The following ZC3H12B variants were observed in gnomAD, a reference collection of about 807,000 sequenced individuals.
ZC3H12B encodes the protein zinc finger CCCH-type containing 12B.
ZC3H12B carries 7 observed loss-of-function variants against 43.9 expected under a neutral mutation model. The observed-to-expected ratio is 0.16, with a 90% CI of 0.09 to 0.30. The LOEUF (loss-of-function observed/expected upper bound fraction) is 0.30, where lower values mean the gene tolerates loss of function less well. ZC3H12B is among the 10% of genes least tolerant of loss of function. The pLI, the probability that ZC3H12B is intolerant of heterozygous loss-of-function variation, is 1.00. For missense variants in ZC3H12B, 475 were observed against 670.2 expected (o/e 0.71, Z 3.22); for synonymous variants, 222 against 241.7 (o/e 0.92, Z 0.76).
chrX:65,059,682 T>C, the ZC3H12B span, among the ~76,000 whole-genome samples: 12 of 111,921 alleles, frequency 1.1e-4, no homozygotes, highest in Admixed American at 4.7e-4. Context: ...TTCTGATTTT[T>C]ACATAAAATA....
the ZC3H12B span, among the ~76,000 whole-genome samples, chrX:65,279,060 T>C: frequency 9.0e-6 from 1 of 111,221 alleles, no homozygotes; most frequent in Non-Finnish European, 1.9e-5. Context: ...GGCATTTAGA[T>C]TGATTCCATT....
chrX:65,261,127 T>G, the ZC3H12B span, among the ~76,000 whole-genome samples: 1 of 111,768 alleles, frequency 8.9e-6, no homozygotes, highest in Non-Finnish European at 1.9e-5. Context: ...ACCATAGAGA[T>G]TAACATAGTT....
At chrX:65,308,455 G>A in the ZC3H12B span, among the ~76,000 whole-genome samples, 1 of 111,587 alleles carries the variant, frequency 9.0e-6, no homozygotes, top group African/African-American at 3.3e-5. Context: ...AAGTATATAT[G>A]CAACCAATTC....
the ZC3H12B span, among the ~76,000 whole-genome samples, chrX:65,300,946 T>A: frequency 9.4e-6 from 1 of 106,932 alleles, no homozygotes; most frequent in African/African-American, 3.4e-5. Context: ...GACAAAGGAC[T>A]AATATCCAGA....
intron 3 of ZC3H12B, among the ~76,000 whole-genome samples, chrX:65,416,544 G>A (rs1303740231): frequency 1.8e-5 from 2 of 110,104 alleles, no homozygotes; most frequent in Non-Finnish European, 3.8e-5. Flanking sequence ...CACTTTGGGA[G>A]GCTGAGGTGG....
the ZC3H12B span, among the ~76,000 whole-genome samples, chrX:65,212,538 G>T: frequency 2.9e-5 from 2 of 68,789 alleles, no homozygotes; most frequent in African/African-American, 6.0e-5. Context: ...TACATATAAT[G>T]TATATTTATA....
chrX:65,120,840 C>G, the ZC3H12B span, among the ~76,000 whole-genome samples: 4 of 111,131 alleles, frequency 3.6e-5, no homozygotes, highest in African/African-American at 6.5e-5. Context: ...CCAAATTTAT[C>G]GAGAGTTTTT....
intron 1 of ZC3H12B, among the ~76,000 whole-genome samples, chrX:65,494,278 G>T (rs2068246467): frequency 9.1e-6 from 1 of 110,037 alleles, no homozygotes; most frequent in African/African-American, 3.3e-5. Context: ...ACAGGGCCTT[G>T]TTCTGTCACC....
the ZC3H12B span, among the ~76,000 whole-genome samples, chrX:65,330,029 C>T: frequency 7.2e-5 from 8 of 111,657 alleles, no homozygotes; most frequent in Non-Finnish European, 1.5e-4. Context: ...CTTGGCAATG[C>T]GGGCTCTTTT....
the ZC3H12B span, among the ~76,000 whole-genome samples, chrX:65,192,370 T>G: frequency 9.0e-6 from 1 of 111,620 alleles, no homozygotes; most frequent in Non-Finnish European, 1.9e-5. Context: ...TTGCTCTAAT[T>G]GGGACATTCA....
the ZC3H12B span, among the ~76,000 whole-genome samples, chrX:65,098,844 TC>T: frequency 9.0e-6 from 1 of 110,792 alleles, no homozygotes; most frequent in South Asian, 3.9e-4. Flanking sequence ...GTTTTTTTTT[TC>T]CTACCCCAGT....
chrX:65,456,867 G>C (rs752419189), intron 3 of ZC3H12B, among the ~76,000 whole-genome samples: 5 of 108,303 alleles, frequency 4.6e-5, no homozygotes, highest in African/African-American at 6.9e-5. Context: ...CCGCCACCCC[G>C]TCTGGGAAGT....
At chrX:65,445,858 C>T (rs1020789107) in intron 3 of ZC3H12B, among the ~76,000 whole-genome samples, 1 of 111,890 alleles carries the variant, frequency 8.9e-6, no homozygotes, top group Admixed American at 9.5e-5. Context: ...AAGCTCATAC[C>T]CAAGTTGCAA....
At chrX:65,156,150 T>C in the ZC3H12B span, among the ~76,000 whole-genome samples, 5 of 111,171 alleles carry the variant, frequency 4.5e-5, no homozygotes, top group African/African-American at 9.8e-5. Flanking sequence ...TGTAGGCATG[T>C]ACCTTTTCTT....
chrX:65,143,467 A>G, the ZC3H12B span, among the ~76,000 whole-genome samples: 1 of 109,935 alleles, frequency 9.1e-6, no homozygotes, highest in African/African-American at 3.3e-5. Flanking sequence ...ATTTTTTTTA[A>G]TATTGTTTAT....
At chrX:65,477,776 T>A (rs933240585) in intron 3 of ZC3H12B, among the ~76,000 whole-genome samples, 11 of 108,276 alleles carry the variant, frequency 1.0e-4, no homozygotes, top group Non-Finnish European at 1.7e-4. Flanking sequence ...AAAAAAAAAA[T>A]TTCAATAAAC....
chrX:65,154,093 G>T, the ZC3H12B span, among the ~76,000 whole-genome samples: 1 of 111,001 alleles, frequency 9.0e-6, no homozygotes, highest in Admixed American at 9.6e-5. Context: ...GGTGGGAGGA[G>T]GGGGCAGGGA....
intron 3 of ZC3H12B, among the ~76,000 whole-genome samples, chrX:65,449,688 A>C (rs1244692826): frequency 9.0e-6 from 1 of 111,566 alleles, no homozygotes; most frequent in East Asian, 2.8e-4. Flanking sequence ...GAGAATGAAA[A>C]AATGTCTTTT....
At chrX:65,192,378 T>A in the ZC3H12B span, among the ~76,000 whole-genome samples, 1 of 111,555 alleles carries the variant, frequency 9.0e-6, no homozygotes, top group South Asian at 3.8e-4. Context: ...ATTGGGACAT[T>A]CAGTACCATT....
Sources: gnomAD v4.1 joint callset for allele counts (sites outside exome capture counted in the v4.1 genomes callset) on GRCh38, gnomAD v4.1.1 for gene constraint, MANE v1.5 for transcripts, NCBI Gene and HGNC (gene_info 2026-07-23, HGNC 2026-07-21) for gene names.